Variants in CBFA2T3 observed in about 807,000 individuals in gnomAD.
The protein encoded by CBFA2T3 is CBFA2/RUNX1 partner transcriptional co-repressor 3, also known as transcriptional corepressor CBFA2T3.
In CBFA2T3, 31 loss-of-function variants were observed where a neutral mutation model predicts 58.6. The ratio of observed to expected loss-of-function variants is 0.53; its 90% CI spans 0.40 to 0.71. The LOEUF (loss-of-function observed/expected upper bound fraction) is 0.71, where lower values mean the gene tolerates loss of function less well. CBFA2T3 is among the 30% of genes least tolerant of loss of function. CBFA2T3 has a pLI of 0.00. For missense variants in CBFA2T3, 1,076 were observed against 963.1 expected, an observed-to-expected ratio of 1.12 and a Z score of -1.55; for synonymous variants, 531 against 421.9, an observed-to-expected ratio of 1.26 and a Z score of -3.17.
intron 9 of CBFA2T3, 198 bp from the exon 10 acceptor site, chr16:88,880,986 A>G: frequency 1.5e-6 from 1 of 672,972 alleles, no homozygotes; most frequent in South Asian, 1.6e-5. Flanking sequence ...GGAGCTGTGG[A>G]CCTTGGACTC....
At chr16:88,891,237 G>C (rs1020753396) in intron 5 of CBFA2T3, among the ~76,000 whole-genome samples, 1 of 152,198 alleles carries the variant, frequency 6.6e-6, no homozygotes, top group African/African-American at 2.4e-5. Context: ...CCCCTCTGCT[G>C]TTCCTCAAGC....
intron 1 of CBFA2T3, among the ~76,000 whole-genome samples, chr16:88,903,630 G>A (rs967857923): frequency 6.7e-6 from 1 of 149,702 alleles, no homozygotes; most frequent in African/African-American, 2.5e-5. Flanking sequence ...AATGTGGCAG[G>A]GTGTTCCTGT....
Position 88,877,222 on chromosome 16 carries a change from C to G in CBFA2T3, c.1716G>C (p.Ala572=). ...KASETCSGCN[A]ARYCGSFCQH... ...GGCAGAAGGACCCGCAGTAGCGTGC[C>G]GCGTTGCAGCCGCTGCACGTCTCAC... The change falls in exon 12 of 12, where the codon GCG becomes GCC. Residue 572 remains alanine (A), a synonymous_variant. Transcript: ENST00000268679. 1.3e-6 allele frequency: 2 copies of G among 1,556,048 alleles called. No individual in the cohort carries two copies. Among genetic ancestry groups the G allele is most frequent in the Non-Finnish European group, 1.7e-6 (2 of 1,150,490 alleles).
intron 1 of CBFA2T3, among the ~76,000 whole-genome samples, chr16:88,969,175 G>C (rs1972586762): frequency 6.6e-6 from 1 of 152,228 alleles, no homozygotes; most frequent in South Asian, 2.1e-4. Context: ...CTGGAGTGAG[G>C]GGCTGCAGCG....
intron 1 of CBFA2T3, 97 bp from the exon 2 acceptor site, chr16:88,901,753 G>C: frequency 8.7e-7 from 1 of 1,143,868 alleles, no homozygotes; most frequent in African/African-American, 1.7e-5. Flanking sequence ...CCCACTGAGT[G>C]TCCGCCCAGC....
At chr16:88,940,003 C>T (rs558894650) in intron 1 of CBFA2T3, 32 of 152,442 alleles carry the variant, frequency 2.1e-4, no homozygotes, top group African/African-American at 7.5e-4. Context: ...TCCTGTTCCT[C>T]GTCCAGGAGA....
chr16:88,886,384 G>A (rs1969377074), intron 5 of CBFA2T3: 3 of 389,784 alleles, frequency 7.7e-6, no homozygotes, highest in Non-Finnish European at 4.6e-6. Flanking sequence ...GGCGATGTGG[G>A]GCATGTGGGA....
chr16:88,886,041 G>T lies in CBFA2T3; in HGVS notation c.813C>A (p.Asp271Glu). ...AGTCGATGGGGGAGGAGGCGCTGGC[G>T]TCCAGCAGGAGCTGCTCATGCTGGG... ...YLAQHEQLLL[D>E]ASASSPIDSS... is the part of the protein sequence containing the mutation. Residue 271 changes from aspartate (D) to glutamate (E), a missense_variant, in exon 6 of 12, where the codon GAC (aspartate) becomes GAA (glutamate). Physicochemically the swap from Asp to Glu is conservative, Grantham distance 45. Coordinates refer to ENST00000268679, the MANE Select transcript of CBFA2T3 (RefSeq NM_005187.6). 1 of 1,578,706 alleles carries T rather than the reference G, an allele frequency of 6.3e-7. No individual in the cohort carries two copies. The highest frequency in any genetic ancestry group is 1.8e-5 in the Admixed American group (1 of 54,060).
intron 1 of CBFA2T3, among the ~76,000 whole-genome samples, chr16:88,920,436 C>A (rs987252246): frequency 6.8e-6 from 1 of 147,746 alleles, no homozygotes; most frequent in Non-Finnish European, 1.5e-5. Flanking sequence ...ACCACCATAC[C>A]CGGCCAATTT....
intron 1 of CBFA2T3, among the ~76,000 whole-genome samples, chr16:88,940,592 G>A (rs1353797146): frequency 2.0e-5 from 3 of 152,180 alleles, no homozygotes; most frequent in Non-Finnish European, 4.4e-5. Context: ...CAGCGCCGGG[G>A]ACCCGGGCAG....
In CBFA2T3 at chr16:88,897,859, C is replaced by T. The variant is rs528832914; in HGVS notation, c.379+219G>A. On this transcript the variant is annotated intron_variant, in intron 3 of 11. Transcript: ENST00000268679. ...TCTGCTCCTGCCTAAGGCCCCGCAG[C>T]TTGGAGCGGAGGGTCTGTGGGATGC... Among the ~76,000 whole-genome samples, 7 of 152,360 alleles carry T rather than the reference C, an allele frequency of 4.6e-5. 1 individual carries two copies. Among genetic ancestry groups the T allele is most frequent in the African/African-American group, 1.7e-4 (7 of 41,582 alleles).
chr16:88,932,790 A>C (rs4782501), intron 1 of CBFA2T3, among the ~76,000 whole-genome samples: 1 of 131,260 alleles, frequency 7.6e-6, no homozygotes, highest in East Asian at 2.2e-4. Context: ...TACTAAAAAT[A>C]CAAAAAAAAA....
intron 1 of CBFA2T3, among the ~76,000 whole-genome samples, chr16:88,923,516 A>C (rs1438692881): frequency 6.6e-6 from 1 of 152,206 alleles, no homozygotes; most frequent in Non-Finnish European, 1.5e-5. Flanking sequence ...CCTTTGAGAC[A>C]ATTTCAGCAA....
At position 88,880,701 on chromosome 16, in the gene CBFA2T3, C is replaced by T. The variant is rs113149198; in HGVS notation, c.1471+19G>A. On this transcript the variant is annotated intron_variant, in intron 10 of 11. Transcript: ENST00000268679. Reference sequence around the variant, plus strand: ...GCCTCCCACAGCTCTGCTGGCCAGGCCCCTGCACCCCCACTCACCAGCCTT... The same window carrying T: ...GCCTCCCACAGCTCTGCTGGCCAGGTCCCTGCACCCCCACTCACCAGCCTT... The T allele has an allele frequency of 1.9e-5, 30 of 1,553,140 alleles. No individual in the cohort carries two copies. The highest frequency in any genetic ancestry group is 1.5e-4 in the African/African-American group (11 of 73,290).
Position 88,876,763 on chromosome 16 carries a change from T to C in CBFA2T3, c.*213A>G, listed in dbSNP as rs956387431. On this transcript the variant is annotated 3_prime_UTR_variant, in exon 12 of 12. Coordinates refer to ENST00000268679, the MANE Select transcript of CBFA2T3 (RefSeq NM_005187.6). ...TCTCCGCGCGGAATCATTAGGTAGC[T>C]GAGGCAGGTGCACTGAATGCGGTTT... The C allele has an allele frequency of 1.2e-5, 6 of 480,902 alleles. No individual in the cohort carries two copies. In the South Asian group the frequency reaches 2.1e-4, roughly 16 times the overall value. The allele number at this position is 480,902 out of a possible 1,614,324, so 29.8% of individuals were successfully genotyped here.
At chr16:88,976,180 C>G (rs1043101609) in intron 1 of CBFA2T3, among the ~76,000 whole-genome samples, 2 of 152,222 alleles carry the variant, frequency 1.3e-5, no homozygotes, top group Non-Finnish European at 2.9e-5. Context: ...GGACAGGGGC[C>G]CAGGGTTGGG....
chr16:88,951,320 T>G (rs936889234), intron 1 of CBFA2T3: 2 of 457,482 alleles, frequency 4.4e-6, no homozygotes, highest in African/African-American at 4.0e-5. Context: ...TGTTGGCACC[T>G]GTCTTCTGGG....
In CBFA2T3 at chr16:88,976,637, C is replaced by T. The variant is rs750106007; in HGVS notation, c.151+20G>A. The T allele has an allele frequency of 5.8e-6, 9 of 1,538,908 alleles. No homozygotes were observed. In the African/African-American group the frequency reaches 8.2e-5, roughly 14 times the overall value. ...CCGCTCTCTGCCCCCACCCCACCAC[C>T]TTCCCCTCGAGCCTCTTACCTGGGC... is the stretch of plus-strand genomic sequence containing the variant. On this transcript the variant is annotated intron_variant, in intron 1 of 11. Transcript: ENST00000268679.
intron 1 of CBFA2T3, chr16:88,941,693 C>G (rs1214714577): frequency 6.8e-6 from 1 of 148,066 alleles, no homozygotes; most frequent in Non-Finnish European, 1.5e-5. Flanking sequence ...GTGCGGGCGC[C>G]GTGGAGGGGG....
Sources: allele counts gnomAD v4.1 joint callset (sites outside exome capture counted in the v4.1 genomes callset), GRCh38; gene constraint gnomAD v4.1.1; transcripts MANE v1.5; gene names NCBI Gene and HGNC (gene_info 2026-07-23, HGNC 2026-07-21).